The following RBM25 variants were observed in gnomAD, a reference collection of about 807,000 sequenced individuals.
The protein encoded by RBM25 is RNA binding motif protein 25.
RBM25 carries 19 observed loss-of-function variants against 120.7 expected under a neutral mutation model. That is an observed-to-expected ratio of 0.16 (90% CI 0.11 to 0.23). RBM25 has a LOEUF of 0.23. Among genes scored for constraint, RBM25 ranks in the 10% least tolerant of loss-of-function variants. The pLI is 1.00. For synonymous variants in RBM25, 390 were observed against 326.7 expected (o/e 1.19, Z -2.09); for missense variants, 605 against 1,041.5 (o/e 0.58, Z 5.77).
At chr14:73,112,707 C>T (rs1406865613) in intron 17 of RBM25, among the ~76,000 whole-genome samples, 1 of 152,120 alleles carries the variant, frequency 6.6e-6, no homozygotes, top group Non-Finnish European at 1.5e-5. Context: ...CCTTTCATAT[C>T]GTAGTAACGA....
At chr14:73,116,922 TAA>T (rs1896439353) in intron 18 of RBM25, among the ~76,000 whole-genome samples, 1 of 152,200 alleles carries the variant, frequency 6.6e-6, no homozygotes, top group Admixed American at 6.5e-5. Context: ...ATTTCTTGAA[TAA>T]ATGAGGAGAC....
At chr14:73,105,144 T>TTTTTTTTTTTTTTG (rs1896156284) in intron 10 of RBM25, among the ~76,000 whole-genome samples, 1 of 126,376 alleles carries the variant, frequency 7.9e-6, no homozygotes, top group African/African-American at 2.7e-5. Context: ...TTTTTTTTTT[T>TTTTTTTTTTTTTTG]GGAGACGGGC....
rs1252658125 is a variant in RBM25 at position 73,058,584 on chromosome 14, A to C, written c.-137A>C. On this transcript the variant is annotated 5_prime_UTR_variant, in exon 1 of 19. Coordinates refer to ENST00000261973, the MANE Select transcript of RBM25 (RefSeq NM_021239.3). ...CGCGGCTGTATTTGCGGCCTGTGCG[A>C]GTAGGCGCTTGGGCACTCAGTCTCC... 1.3e-5 allele frequency: 2 copies of C among 152,124 alleles called. No homozygotes were observed. The highest frequency in any genetic ancestry group is 2.9e-5 in the Non-Finnish European group (2 of 68,040). 9.4% of individuals were successfully genotyped at this position (152,124 alleles called of 1,614,324 possible).
At chr14:73,091,946 A>G (rs1210160079) in intron 6 of RBM25, among the ~76,000 whole-genome samples, 1 of 152,244 alleles carries the variant, frequency 6.6e-6, no homozygotes, top group East Asian at 1.9e-4. Context: ...AATTAAAACA[A>G]TTGACAGATA....
At chr14:73,097,977 G>T (rs17182118) in intron 7 of RBM25, among the ~76,000 whole-genome samples, 9,294 of 152,206 alleles carry the variant, frequency 0.061, 374 homozygotes, top group Admixed American at 0.094. Flanking sequence ...AAAAATACTG[G>T]AAGAAGCCAG....
Position 73,070,675 on chromosome 14 carries a change from G to A in RBM25, c.-15-952G>A, listed in dbSNP as rs370135538. ...TAGATATAAGAAAAATGGGCCGGGC[G>A]CGGTGGCTCAGGCCTGTAATCCTAG... On this transcript the variant is annotated intron_variant, in intron 1 of 18. Coordinates refer to ENST00000261973, the MANE Select transcript of RBM25 (RefSeq NM_021239.3). 2.2e-3 allele frequency among the ~76,000 whole-genome samples: 338 copies of A among 152,156 alleles called. 1 individual carries two copies. The highest frequency in any genetic ancestry group is 7.7e-3 in the African/African-American group (318 of 41,540).
intron 5 of RBM25, among the ~76,000 whole-genome samples, chr14:73,087,671 A>AG (rs1298334112): frequency 2.0e-5 from 3 of 152,222 alleles, no homozygotes; most frequent in African/African-American, 7.2e-5. Flanking sequence ...CTGGGATTAC[A>AG]GGCATGAGCC....
intron 2 of RBM25, among the ~76,000 whole-genome samples, chr14:73,075,837 G>A: frequency 6.6e-6 from 1 of 150,946 alleles, no homozygotes; most frequent in Admixed American, 6.6e-5. Flanking sequence ...TGGAGAACGG[G>A]GTCTCACTAT....
intron 6 of RBM25, among the ~76,000 whole-genome samples, chr14:73,092,059 T>G (rs1895829267): frequency 6.6e-6 from 1 of 152,126 alleles, no homozygotes; most frequent in Non-Finnish European, 1.5e-5. Flanking sequence ...ACATGGCATA[T>G]TTTCCTTAAG....
rs1896560404 is a variant in RBM25 at position 73,122,880 on chromosome 14, A to G, written c.*3075A>G. 6.6e-6 allele frequency: 1 copy of G among 152,222 alleles called. No homozygotes were observed. 9.4% of individuals were successfully genotyped at this position (152,222 alleles called of 1,614,324 possible). A position where few individuals can be genotyped will look rare whatever the true frequency, so the allele number is the denominator to read the frequency against. Reference sequence around the variant, plus strand: ...TTTTGATTAGCACTTTAAGGTGTCTATTCAGTATTATTTTATCCTAACAGA... The same window carrying G: ...TTTTGATTAGCACTTTAAGGTGTCTGTTCAGTATTATTTTATCCTAACAGA... On this transcript the variant is annotated 3_prime_UTR_variant, in exon 19 of 19. Transcript: ENST00000261973.
At chr14:73,063,474 G>C (rs1282982870) in intron 1 of RBM25, among the ~76,000 whole-genome samples, 1 of 151,216 alleles carries the variant, frequency 6.6e-6, no homozygotes, top group African/African-American at 2.4e-5. Flanking sequence ...AGCAGGAAAA[G>C]GTGCTTTGAA....
chr14:73,072,036 G>C (rs960728380), intron 2 of RBM25, among the ~76,000 whole-genome samples: 1 of 151,262 alleles, frequency 6.6e-6, no homozygotes, highest in Non-Finnish European at 1.5e-5. Flanking sequence ...GCAGTGGCAC[G>C]ATCTCCGCTC....
intron 18 of RBM25, 78 bp from the exon 19 acceptor site, chr14:73,119,635 T>C (rs552719415): frequency 1.6e-5 from 25 of 1,581,200 alleles, no homozygotes; most frequent in African/African-American, 2.7e-5. Context: ...TGAAAAACTT[T>C]TTTATACTGG....
intron 17 of RBM25, among the ~76,000 whole-genome samples, chr14:73,114,024 C>G (rs1017289673): frequency 1.3e-5 from 2 of 151,860 alleles, no homozygotes; most frequent in Admixed American, 1.3e-4. Flanking sequence ...TCTGTCTTCT[C>G]TAACTTGTAA....
chr14:73,085,708 A>C (rs998212358), intron 5 of RBM25, among the ~76,000 whole-genome samples: 1 of 152,044 alleles, frequency 6.6e-6, no homozygotes. Context: ...CAGTCTCCCA[A>C]AGTGCTGGGA....
intron 1 of RBM25, among the ~76,000 whole-genome samples, chr14:73,067,413 AT>A (rs1895164777): frequency 6.6e-6 from 1 of 151,604 alleles, no homozygotes; most frequent in African/African-American, 2.4e-5. Context: ...CATTATTATT[AT>A]TTTATTATTT....
rs760802977 is a variant in RBM25 at position 73,111,525 on chromosome 14, T to C, written c.2018-3T>C. ...TCTTGCTAAGAGAGTGTTTTTACTG[T>C]AGGTGCTTCCAATAGTCCTGGTCAG... On this transcript the variant is annotated splice_region_variant and splice_polypyrimidine_tract_variant and intron_variant, in intron 15 of 18. Coordinates refer to ENST00000261973, the MANE Select transcript of RBM25 (RefSeq NM_021239.3). The C allele has an allele frequency of 4.4e-6, 7 of 1,585,832 alleles. No individual in the cohort carries two copies. The highest frequency in any genetic ancestry group is 5.1e-6 in the Non-Finnish European group (6 of 1,169,636).
Position 73,071,741 on chromosome 14 carries a change from C to T in RBM25, c.100C>T (p.Pro34Ser). The T allele has an allele frequency of 6.2e-7, 1 of 1,609,572 alleles. No homozygotes were observed. Among genetic ancestry groups the T allele is most frequent in the Non-Finnish European group, 8.5e-7 (1 of 1,175,938 alleles). ...PQFPGFPPPV[P>S]PGTPMIPVPM... ...GTTTCCAGGATTTCCTCCACCTGTA[C>T]CTCCAGGTAAGTTTGTTGATACTGT... The change falls in exon 2 of 19, where the codon CCT becomes TCT. Residue 34 changes from proline to serine, a missense_variant. By Grantham distance (74) the Pro-to-Ser change is moderately conservative. Transcript: ENST00000261973.
chr14:73,082,564 T>G (rs1895587845), intron 4 of RBM25, among the ~76,000 whole-genome samples: 1 of 152,196 alleles, frequency 6.6e-6, no homozygotes, highest in African/African-American at 2.4e-5. Context: ...GTGTTGGGAT[T>G]ATAGACGTGA....
Sources: allele counts gnomAD v4.1 joint callset (sites outside exome capture counted in the v4.1 genomes callset), GRCh38; gene constraint gnomAD v4.1.1; transcripts MANE v1.5; gene names NCBI Gene and HGNC (gene_info 2026-07-23, HGNC 2026-07-21).